TMEM253: variants seen among roughly 807,000 people sequenced by gnomAD.
TMEM253 encodes the protein transmembrane protein C14orf176.
TMEM253 carries 22 observed loss-of-function variants against 20.3 expected under a neutral mutation model. The ratio of observed to expected loss-of-function variants is 1.08; its 90% CI spans 0.78 to 1.55. TMEM253 has a LOEUF of 1.55. Among genes scored for constraint, TMEM253 ranks in the 40% most tolerant of loss-of-function variants. TMEM253 has a pLI of 0.00. For missense variants in TMEM253, 251 were observed against 266.1 expected (o/e 0.94, Z 0.39); for synonymous variants, 92 against 102.6 (o/e 0.90, Z 0.62).
At chr14:21,100,037 G>C (rs1889535567), upstream of TMEM253, among the ~76,000 whole-genome samples, 1 of 152,116 alleles carries the variant, frequency 6.6e-6, no homozygotes, top group Non-Finnish European at 1.5e-5. Flanking sequence ...CCTTTTATCA[G>C]TGAATAAACT....
upstream of TMEM253, chr14:21,101,096 G>T (rs1036001460): frequency 8.3e-5 from 30 of 362,510 alleles, no homozygotes; most frequent in African/African-American, 5.8e-4. Context: ...GCCAGGACAA[G>T]TTTGTCGTCT....
intron 2 of TMEM253, 110 bp from the exon 3 acceptor site, chr14:21,101,755 T>C (rs1889645936): frequency 1.2e-6 from 1 of 851,546 alleles, no homozygotes; most frequent in Non-Finnish European, 1.8e-6. Flanking sequence ...TTGACTGCTT[T>C]CCTCCACCCT....
At position 21,101,774 on chromosome 14, in the gene TMEM253, TCC is replaced by T. The variant is rs1267070055; in HGVS notation, c.109-89_109-88del. 4.9e-6 allele frequency: 5 copies of T among 1,020,098 alleles called. No homozygotes were observed. The Admixed American group carries it at 9.7e-5, about 20-fold the overall frequency. 63.2% of individuals were successfully genotyped at this position (1,020,098 alleles called of 1,614,324 possible). ...CTGCTTTCCTCCACCCTGCATTCAA[TCC>T]CATTTCCTGATCTCTAAAGAGGTAG... On this transcript the variant is annotated intron_variant, in intron 2 of 6. Transcript: ENST00000556585.
rs1566558719 is a variant in TMEM253 at position 21,103,130 on chromosome 14, G to A, written c.535-9G>A. 1.3e-6 allele frequency: 2 copies of A among 1,551,640 alleles called. No individual in the cohort carries two copies. The highest frequency in any genetic ancestry group is 2.4e-5 in the East Asian group (1 of 40,920). ...CTACAATTTGCTCACACCTGTCTCT[G>A]GTTTTCAGGGCTTCTCTGAGTTGGA... On this transcript the variant is annotated splice_polypyrimidine_tract_variant and intron_variant, in intron 6 of 6. Coordinates refer to ENST00000556585, the Ensembl canonical transcript of TMEM253.
intron 6 of TMEM253, 148 bp from the exon 7 acceptor site, chr14:21,102,991 G>C: frequency 7.1e-7 from 1 of 1,412,732 alleles, no homozygotes; most frequent in South Asian, 1.3e-5. Context: ...GAGGTTAAAA[G>C]AGTGGGAAAG....
exon 7 of TMEM253, chr14:21,103,372 G>T: frequency 4.8e-6 from 7 of 1,443,450 alleles, no homozygotes; most frequent in Non-Finnish European, 4.5e-6. Context: ...CTCAAAGCAG[G>T]CCCTTTTTTC....
At chr14:21,102,685 G>T (rs1402655447) in exon 6 of TMEM253, 6 of 1,551,594 alleles carry the variant, frequency 3.9e-6, no homozygotes, top group Middle Eastern at 1.7e-4. Context: ...ACCCTAGGGG[G>T]AGTGCTGGTC....
upstream of TMEM253, chr14:21,098,989 A>C: frequency 1.1e-5 from 5 of 472,482 alleles, no homozygotes; most frequent in South Asian, 2.4e-5. Flanking sequence ...TATTAAAGTT[A>C]CTCTTCGGTC....
At chr14:21,100,463 C>T (rs1184320807), upstream of TMEM253, among the ~76,000 whole-genome samples, 1 of 152,088 alleles carries the variant, frequency 6.6e-6, no homozygotes, top group Non-Finnish European at 1.5e-5. Flanking sequence ...GGCTATGAGG[C>T]ACCTTCTCTC....
chr14:21,101,592 G>A (rs979849826), intron 2 of TMEM253, 141 bp downstream of exon 2: 3 of 792,324 alleles, frequency 3.8e-6, no homozygotes, highest in African/African-American at 3.5e-5. Context: ...GGAGGGTAGA[G>A]GAAAACATAG....
upstream of TMEM253, among the ~76,000 whole-genome samples, chr14:21,099,969 A>T (rs552865411): frequency 1.2e-4 from 19 of 152,284 alleles, no homozygotes; most frequent in East Asian, 3.3e-3. Context: ...CAGCACCACT[A>T]ATAGTTATTA....
In TMEM253 at chr14:21,101,467, C is replaced by T. The variant is rs1741019498; in HGVS notation, c.108+16C>T. The T allele has an allele frequency of 6.5e-7, 1 of 1,548,238 alleles. No homozygotes were observed. The highest frequency in any genetic ancestry group is 1.2e-5 in the South Asian group (1 of 83,882). ...GGTGCTAGCGGTGAGGCCAGGCTAC[C>T]CCATCCCAGGTCTCAGCATGTCCAC... On this transcript the variant is annotated intron_variant, in intron 2 of 6. Coordinates refer to ENST00000556585, the Ensembl canonical transcript of TMEM253.
chr14:21,102,743 C>T, exon 6 of TMEM253: 1 of 1,551,114 alleles, frequency 6.4e-7, no homozygotes. Context: ...CAGGATGCTG[C>T]AGGAGCCAGA....
chr14:21,099,672 C>A (rs1414348591), upstream of TMEM253, among the ~76,000 whole-genome samples: 1 of 152,214 alleles, frequency 6.6e-6, no homozygotes, highest in African/African-American at 2.4e-5. Flanking sequence ...TGATGATGAT[C>A]ATAGCCACTA....
At chr14:21,100,225 G>T (rs961825134), upstream of TMEM253, among the ~76,000 whole-genome samples, 4 of 152,058 alleles carry the variant, frequency 2.6e-5, no homozygotes, top group African/African-American at 9.7e-5. Flanking sequence ...AATTAGCCAG[G>T]CATGGTGGCA....
exon 3 of TMEM253, chr14:21,101,886 G>C (rs1294131456): frequency 6.4e-7 from 1 of 1,551,602 alleles, no homozygotes; most frequent in African/African-American, 1.4e-5. Context: ...ATGGCTGGCA[G>C]TGGTTGTGGT....
chr14:21,101,278 TAGAC>T lies in TMEM253; in HGVS notation c.-36-26_-36-23del, dbSNP rs909723351. On this transcript the variant is annotated intron_variant, in intron 1 of 6. Coordinates refer to ENST00000556585, the Ensembl canonical transcript of TMEM253. ...CGTTGTTGCATGTCCTGTCTCCTAA[TAGAC>T]AGAACCTATAACGCATTTTTCCCAG... The T allele has an allele frequency of 3.0e-5, 43 of 1,426,576 alleles. No individual in the cohort carries two copies. In the African/African-American group the frequency reaches 4.8e-4, roughly 16 times the overall value. 88.4% of individuals were successfully genotyped at this position (1,426,576 alleles called of 1,614,324 possible). A position where few individuals can be genotyped will look rare whatever the true frequency, so the allele number is the denominator to read the frequency against.
intron 5 of TMEM253, 49 bp from the exon 6 acceptor site, chr14:21,102,584 G>A: frequency 2.6e-6 from 4 of 1,551,114 alleles, no homozygotes; most frequent in Non-Finnish European, 3.5e-6. Flanking sequence ...AAAAGGGCAG[G>A]GGCAAACAGG....
chr14:21,099,461 C>A (rs1470205306), upstream of TMEM253, among the ~76,000 whole-genome samples: 1 of 152,152 alleles, frequency 6.6e-6, no homozygotes, highest in African/African-American at 2.4e-5. Context: ...TTTTCTGGAT[C>A]TCTTTAAAAC....
Sources: gnomAD v4.1 joint callset for allele counts (sites outside exome capture counted in the v4.1 genomes callset) on GRCh38, gnomAD v4.1.1 for gene constraint, MANE v1.5 for transcripts, NCBI Gene and HGNC (gene_info 2026-07-23, HGNC 2026-07-21) for gene names.